Variants in CLU observed in about 807,000 individuals in gnomAD.
CLU encodes the protein aging-associated protein 4.
CLU carries 25 observed loss-of-function variants against 46.4 expected under a neutral mutation model. The ratio of observed to expected loss-of-function variants is 0.54; its 90% CI spans 0.39 to 0.75. CLU has a LOEUF of 0.75. Ranked by LOEUF, CLU falls within the 30% of genes least tolerant of loss-of-function variation. CLU has a pLI of 0.00. For synonymous variants in CLU, 235 were observed against 235.1 expected (o/e 1.00, Z 0.00); for missense variants, 504 against 592.1 (o/e 0.85, Z 1.54).
chr8:27,604,272 G>C lies in CLU; in HGVS notation c.934+19C>G, dbSNP rs9331918. On this transcript the variant is annotated intron_variant, in intron 6 of 8. Transcript: ENST00000316403. ...CAAGGGATCAGGGGGGACGGCTTGTGGTCTGGACCCCGACTCACCCACAGA... is the reference window on the plus strand; with the variant it reads ...CAAGGGATCAGGGGGGACGGCTTGTCGTCTGGACCCCGACTCACCCACAGA... 7,687 of 1,600,512 alleles carry C rather than the reference G, an allele frequency of 4.8e-3. 348 individuals carry two copies. In the African/African-American group the frequency reaches 0.09, roughly 19 times the overall value.
chr8:27,600,380 ACATGCTAC>A (rs1800698786), intron 6 of CLU, among the ~76,000 whole-genome samples: 1 of 151,914 alleles, frequency 6.6e-6, no homozygotes, highest in African/African-American at 2.4e-5. Context: ...GACTATAGGC[ACATGCTAC>A]CATGCCCAGC....
Position 27,599,593 on chromosome 8 carries a change from C to A in CLU, c.1164+187G>T. The A allele has an allele frequency of 1.7e-6, 1 of 597,802 alleles. No individual in the cohort carries two copies. The highest frequency in any genetic ancestry group is 3.0e-6 in the Non-Finnish European group (1 of 334,140). The allele number at this position is 597,802 out of a possible 1,614,324, so 37.0% of individuals were successfully genotyped here. A position where few individuals can be genotyped will look rare whatever the true frequency, so the allele number is the denominator to read the frequency against. ...TGGCCAAGCTGTGGAACCTCTCTTA[C>A]TTTGCTCCTTTGTAAAGCAGGGTTA... On this transcript the variant is annotated intron_variant, in intron 7 of 8. Transcript: ENST00000316403. This position sits in a 1 kb window ranked among gnomAD's most constrained non-coding sequence, Gnocchi z 4.0.
At chr8:27,604,888 T>C (rs1249229221) in intron 5 of CLU, 36 bp downstream of exon 5, 11 of 1,611,596 alleles carry the variant, frequency 6.8e-6, no homozygotes, top group Non-Finnish European at 7.6e-6. Flanking sequence ...ATCTAACGAG[T>C]TGCTCAAAAG....
At position 27,598,496 on chromosome 8, in the gene CLU, G is replaced by T. The variant is rs1034802405; in HGVS notation, c.1304C>A (p.Ala435Glu). The change falls in exon 8 of 9, where the codon GCG (alanine) becomes GAG (glutamate). Residue 435 changes from alanine to glutamate, a missense_variant. Coordinates refer to ENST00000316403, the MANE Select transcript of CLU (RefSeq NM_001831.4). The stretch of plus-strand genomic sequence containing the variant: ...GCGGTATTCCTGCAGCGCTTTCTCC[G>T]CCACGGTCTCCATAAATTTAGGGTT... The part of the protein sequence containing the change: ...RKNPKFMETV[A>E]EKALQEYRKK... 3.1e-6 allele frequency: 5 copies of T among 1,614,006 alleles called. No homozygotes were observed. The highest frequency in any genetic ancestry group is 4.2e-6 in the Non-Finnish European group (5 of 1,180,012).
chr8:27,608,363 C>T (rs9331899), intron 3 of CLU, among the ~76,000 whole-genome samples: 1 of 152,112 alleles, frequency 6.6e-6, no homozygotes, highest in Non-Finnish European at 1.5e-5. Context: ...GTAGGGCGAC[C>T]GTGAGAGGAG....
At chr8:27,613,103 C>A (rs1401829793) in intron 1 of CLU, among the ~76,000 whole-genome samples, 1 of 152,072 alleles carries the variant, frequency 6.6e-6, no homozygotes, top group Non-Finnish European at 1.5e-5. Flanking sequence ...AATCAATGAC[C>A]TGGCAGGGCG....
chr8:27,613,185 G>A (rs566491230), intron 1 of CLU, among the ~76,000 whole-genome samples: 35 of 152,254 alleles, frequency 2.3e-4, no homozygotes, highest in African/African-American at 8.2e-4. Context: ...TCAGGAGTTC[G>A]AGACCAGCCT....
At position 27,598,258 on chromosome 8, in the gene CLU, A is replaced by G. The variant is rs1800647635; in HGVS notation, c.1341-8T>C. ...TCCACATCTCACTCCTCCCTGAAAT[A>G]AAAAACAGTTATCCTCCAAAGTAAA... On this transcript the variant is annotated splice_region_variant and splice_polypyrimidine_tract_variant and intron_variant, in intron 8 of 8. Coordinates refer to ENST00000316403, the MANE Select transcript of CLU (RefSeq NM_001831.4). 6.2e-7 allele frequency: 1 copy of G among 1,613,800 alleles called. No homozygotes were observed.
chr8:27,600,349 C>A (rs1800698134), intron 6 of CLU, among the ~76,000 whole-genome samples: 2 of 151,882 alleles, frequency 1.3e-5, no homozygotes, highest in African/African-American at 4.8e-5. Context: ...GTCCTCCAAC[C>A]TCAGCCTCCT....
rs1473137746 is a variant in CLU, at chr8:27,598,183, C to T, written c.*58G>A. The T allele has an allele frequency of 2.5e-6, 4 of 1,592,794 alleles. No individual in the cohort carries two copies. The highest frequency in any genetic ancestry group is 1.1e-5 in the South Asian group (1 of 90,262). On this transcript the variant is annotated 3_prime_UTR_variant, in exon 9 of 9. Transcript: ENST00000316403. ...GAGCTCTCTCTGGGGGGCTGCAGCT[C>T]ATCTTGGGGGGAGCTGGACTCAGAT...
Position 27,606,334 on chromosome 8 carries a change from C to T in CLU, c.417+20G>A. 1.2e-6 allele frequency: 2 copies of T among 1,613,552 alleles called. No individual in the cohort carries two copies. Among genetic ancestry groups the T allele is most frequent in the South Asian group, 1.1e-5 (1 of 91,058 alleles). On this transcript the variant is annotated intron_variant, in intron 4 of 8. Transcript: ENST00000316403. The stretch of plus-strand genomic sequence containing the variant: ...CCTTCCCCACTCAGAGCCTTGGCCA[C>T]TCATGTGTCCCCTTTTCACCTGGCG...
At chr8:27,610,415 A>C (rs1800901518) in intron 2 of CLU, 60 bp downstream of exon 2, 1 of 1,360,512 alleles carries the variant, frequency 7.4e-7, no homozygotes, top group Non-Finnish European at 1.1e-6. Flanking sequence ...AGAATTAGCT[A>C]CCCTGCCCTC....
chr8:27,604,228 C>T lies in CLU; in HGVS notation c.934+63G>A, dbSNP rs1389945268. ...CTCCATAAAGGCAGCACCAGTGAGG[C>T]CCCAGTGACCCCAGGACACAAGGGA... On this transcript the variant is annotated intron_variant, in intron 6 of 8. Coordinates refer to ENST00000316403, the MANE Select transcript of CLU (RefSeq NM_001831.4). 13 of 1,283,548 alleles carry T rather than the reference C, an allele frequency of 1.0e-5. No homozygotes were observed. In the East Asian group the frequency reaches 2.3e-4, roughly 23 times the overall value. The allele number at this position is 1,283,548 out of a possible 1,614,324, so 79.5% of individuals were successfully genotyped here.
intron 1 of CLU, among the ~76,000 whole-genome samples, chr8:27,613,403 AG>A (rs374745392): frequency 0.065 from 5,038 of 77,552 alleles, 283 homozygotes; most frequent in African/African-American, 0.2. Context: ...AAAAAAAAAA[AG>A]AGAGAAAAGA....
Position 27,605,257 on chromosome 8 carries a change from C to T in CLU, c.496G>A (p.Asp166Asn), listed in dbSNP as rs1008354423. 7.4e-6 allele frequency: 12 copies of T among 1,614,076 alleles called. No homozygotes were observed. The highest frequency in any genetic ancestry group is 6.7e-5 in the East Asian group (3 of 44,892). ...TCCAGCATGTGCGTCTGCTGCCGGTCGTTCTCCAGCAGGGAGTCGATGCGG... is the reference window on the plus strand; with the variant it reads ...TCCAGCATGTGCGTCTGCTGCCGGTTGTTCTCCAGCAGGGAGTCGATGCGG... ...GDRIDSLLEN[D>N]RQQTHMLDVM... The change falls in exon 5 of 9, where the codon GAC becomes AAC. Residue 166 changes from aspartate (D) to asparagine (N), a missense_variant. Transcript: ENST00000316403.
chr8:27,603,542 A>C (rs980392669), intron 6 of CLU, among the ~76,000 whole-genome samples: 1 of 152,230 alleles, frequency 6.6e-6, no homozygotes, highest in Admixed American at 6.5e-5. Context: ...CACAGCTGTT[A>C]TCTCTAAGTG....
At position 27,598,131 on chromosome 8, in the gene CLU, T is replaced by C. The variant is rs1800643565; in HGVS notation, c.*110A>G. On this transcript the variant is annotated 3_prime_UTR_variant, in exon 9 of 9. Transcript: ENST00000316403. ...TGGGCGGAGTTGGGGGCCTGGAGGCTGGGGCCTGGTTACTTGGTGACGTGC... is the reference window on the plus strand; with the variant it reads ...TGGGCGGAGTTGGGGGCCTGGAGGCCGGGGCCTGGTTACTTGGTGACGTGC... The C allele has an allele frequency of 9.0e-7, 1 of 1,114,864 alleles. No individual in the cohort carries two copies. Among genetic ancestry groups the C allele is most frequent in the South Asian group, 1.3e-5 (1 of 77,844 alleles). 69.1% of individuals were successfully genotyped at this position (1,114,864 alleles called of 1,614,324 possible).
At position 27,608,924 on chromosome 8, in the gene CLU, C is replaced by T. The variant is rs756093248; in HGVS notation, c.246+14G>A. 1.5e-5 allele frequency: 25 copies of T among 1,613,958 alleles called. No homozygotes were observed. The highest frequency in any genetic ancestry group is 2.7e-5 in the African/African-American group (2 of 74,936). Reference sequence around the variant, plus strand: ...GATGGTCAAGGCAGGGAGGCGGTAGCGGCTCCTCCTGACCTCTTTCTTCTT... The same window carrying T: ...GATGGTCAAGGCAGGGAGGCGGTAGTGGCTCCTCCTGACCTCTTTCTTCTT... On this transcript the variant is annotated intron_variant, in intron 3 of 8. Transcript: ENST00000316403.
rs546987963 is a variant in CLU, at chr8:27,599,846, A to G, written c.1098T>C (p.Phe366=). 1 of 1,614,146 alleles carries G rather than the reference A, an allele frequency of 6.2e-7. No homozygotes were observed. Among genetic ancestry groups the G allele is most frequent in the African/African-American group, 1.3e-5 (1 of 75,040 alleles). ...GGTTTGCCAGCCGGGACACCCAGTT[A>G]AACTGCTCGTTCAGCTGCTCCAGCA... ...SSLLEQLNEQ[F]NWVSRLANLT... The change falls in exon 7 of 9, where the codon TTT becomes TTC. Residue 366 remains phenylalanine (F), a synonymous_variant. Coordinates refer to ENST00000316403, the MANE Select transcript of CLU (RefSeq NM_001831.4). This position sits in a 1 kb window ranked among gnomAD's most constrained non-coding sequence, Gnocchi z 4.0.
Sources: gnomAD v4.1 joint callset for allele counts (sites outside exome capture counted in the v4.1 genomes callset) on GRCh38, gnomAD v4.1.1 for gene constraint, Gnocchi (gnomAD v3.1) non-coding constraint, MANE v1.5 for transcripts, NCBI Gene and HGNC (gene_info 2026-07-23, HGNC 2026-07-21) for gene names.